BICDL1: variants seen among roughly 807,000 people sequenced by gnomAD.
BICDL1 encodes the protein BICD family-like cargo adapter 1.
BICDL1 carries 20 observed loss-of-function variants against 76.8 expected under a neutral mutation model. The observed-to-expected ratio is 0.26, with a 90% CI of 0.18 to 0.38. The LOEUF (loss-of-function observed/expected upper bound fraction) is 0.38, where lower values mean the gene tolerates loss of function less well. Among genes scored for constraint, BICDL1 ranks in the 10% least tolerant of loss-of-function variants. BICDL1 has a pLI of 1.00. For synonymous variants in BICDL1, 383 were observed against 337.1 expected (o/e 1.14, Z -1.49); for missense variants, 700 against 798.6 (o/e 0.88, Z 1.49).
chr12:119,990,306 C>T lies in BICDL1; in HGVS notation c.429+9C>T, dbSNP rs772813257. 6.4e-7 allele frequency: 1 copy of T among 1,555,652 alleles called. No homozygotes were observed. The highest frequency in any genetic ancestry group is 8.7e-7 in the Non-Finnish European group (1 of 1,150,420). On this transcript the variant is annotated intron_variant, in intron 1 of 9. Transcript: ENST00000548673. Reference sequence around the variant, plus strand: ...TGACAGACAAGCTCGAGGTGAGGACCTCCCTCCAGGGATGGGTGGGGAGCA... The same window carrying T: ...TGACAGACAAGCTCGAGGTGAGGACTTCCCTCCAGGGATGGGTGGGGAGCA...
At chr12:120,009,446 A>G (rs1437976204) in intron 2 of BICDL1, among the ~76,000 whole-genome samples, 1 of 152,224 alleles carries the variant, frequency 6.6e-6, no homozygotes, top group East Asian at 1.9e-4. Flanking sequence ...TTGAAGGCCC[A>G]AGATTCAGAT....
At chr12:119,998,982 A>G (rs1951706868) in intron 2 of BICDL1, among the ~76,000 whole-genome samples, 3 of 148,700 alleles carry the variant, frequency 2.0e-5, no homozygotes, top group African/African-American at 7.5e-5. Flanking sequence ...GCTTGAGCCC[A>G]GGAGGTCAAG....
chr12:120,006,175 A>G (rs1951847192), intron 2 of BICDL1, among the ~76,000 whole-genome samples: 1 of 152,212 alleles, frequency 6.6e-6, no homozygotes, highest in African/African-American at 2.4e-5. Flanking sequence ...GATCCCCGTC[A>G]TCATGGAATG....
In BICDL1 at chr12:120,092,988, T is replaced by C. The variant is rs775372594; in HGVS notation, c.1705-12T>C. 2.5e-5 allele frequency: 38 copies of C among 1,543,996 alleles called. No individual in the cohort carries two copies. The Admixed American group carries it at 7.2e-4, about 29-fold the overall frequency. On this transcript the variant is annotated splice_polypyrimidine_tract_variant and intron_variant, in intron 9 of 9. Coordinates refer to ENST00000548673, the MANE Select transcript of BICDL1 (RefSeq NM_001367886.1). The stretch of plus-strand genomic sequence containing the variant: ...CTACTCAGTCCTGGCCACTGTCCCC[T>C]CCCCTCTGCAGGATGACATGCACAG...
intron 2 of BICDL1, among the ~76,000 whole-genome samples, chr12:120,045,798 T>C (rs571313990): frequency 9.4e-5 from 14 of 149,314 alleles, no homozygotes; most frequent in Admixed American, 2.7e-4. Flanking sequence ...AGGGATAGCA[T>C]TGGGAGATAT....
At chr12:119,990,338 G>T (rs1444508210) in intron 1 of BICDL1, 41 bp downstream of exon 1, 5 of 1,542,308 alleles carry the variant, frequency 3.2e-6, no homozygotes, top group Admixed American at 2.0e-5. Flanking sequence ...AGCAGGGGCC[G>T]CCCAGGCACG....
chr12:120,008,089 C>G (rs1488103075), intron 2 of BICDL1, among the ~76,000 whole-genome samples: 1 of 150,488 alleles, frequency 6.6e-6, no homozygotes, highest in East Asian at 2.0e-4. Flanking sequence ...AGGACGTTCT[C>G]ATATGTGACC....
rs1361652749 is a variant in BICDL1 at position 120,093,216 on chromosome 12, G to A, written c.*55G>A. 12 of 1,542,924 alleles carry A rather than the reference G, an allele frequency of 7.8e-6. No individual in the cohort carries two copies. Among genetic ancestry groups the A allele is most frequent in the Middle Eastern group, 1.8e-4 (1 of 5,700 alleles). The stretch of plus-strand genomic sequence containing the variant: ...GTGGACTGGAGGCAGCTGGAAAGGC[G>A]GTGCAGGCAAGGCCTCCCCTGCAGC... On this transcript the variant is annotated 3_prime_UTR_variant, in exon 10 of 10. Coordinates refer to ENST00000548673, the MANE Select transcript of BICDL1 (RefSeq NM_001367886.1).
At chr12:120,077,165 A>G (rs1566263537) in intron 7 of BICDL1, among the ~76,000 whole-genome samples, 1 of 152,242 alleles carries the variant, frequency 6.6e-6, no homozygotes. Flanking sequence ...CCAGAGGTCA[A>G]AGGTGTGGGG....
intron 2 of BICDL1, among the ~76,000 whole-genome samples, chr12:120,060,429 A>C (rs1953079419): frequency 6.6e-6 from 1 of 152,234 alleles, no homozygotes. Flanking sequence ...GTTCATTTCC[A>C]ATAAGTTACT....
At chr12:120,037,545 A>G (rs1215906021) in intron 2 of BICDL1, among the ~76,000 whole-genome samples, 1 of 152,120 alleles carries the variant, frequency 6.6e-6, no homozygotes, top group African/African-American at 2.4e-5. Context: ...GAGGAGTTTA[A>G]ATAGAATAGT....
chr12:120,036,444 C>T (rs944954445), intron 2 of BICDL1, among the ~76,000 whole-genome samples: 2 of 152,196 alleles, frequency 1.3e-5, no homozygotes, highest in Non-Finnish European at 2.9e-5. Context: ...TAAGCCATTT[C>T]CTTGTACTGG....
chr12:120,054,372 C>T (rs1006772976), intron 2 of BICDL1, among the ~76,000 whole-genome samples: 2 of 152,120 alleles, frequency 1.3e-5, no homozygotes, highest in Non-Finnish European at 2.9e-5. Flanking sequence ...GCCACCTGGC[C>T]AGGTTTTCTT....
chr12:120,091,989 G>A (rs1875013923), intron 9 of BICDL1: 1 of 985,324 alleles, frequency 1.0e-6, no homozygotes, highest in South Asian at 4.7e-5. Flanking sequence ...AGCCAGAAAA[G>A]CTTGGGGTCT....
chr12:120,016,095 C>G (rs1466446740), intron 2 of BICDL1, among the ~76,000 whole-genome samples: 2 of 152,168 alleles, frequency 1.3e-5, no homozygotes, highest in East Asian at 1.9e-4. Flanking sequence ...AAACACTGAT[C>G]TGTTTTCTGT....
chr12:120,062,730 A>C (rs1477131910), intron 3 of BICDL1, among the ~76,000 whole-genome samples: 2 of 152,066 alleles, frequency 1.3e-5, no homozygotes, highest in East Asian at 3.9e-4. Context: ...TTTCCCTTGG[A>C]ATGCCTACTG....
rs78540229 is a variant in BICDL1, at chr12:119,993,953, C to A, written c.429+3656C>A. On this transcript the variant is annotated intron_variant, in intron 1 of 9. Transcript: ENST00000548673. ...GTTCTGAAGGCATTTTTAAAAATTTCTTTTCATCTACAATTAGCCGTTTTG... is the reference window on the plus strand; with the variant it reads ...GTTCTGAAGGCATTTTTAAAAATTTATTTTCATCTACAATTAGCCGTTTTG... Among the ~76,000 whole-genome samples the A allele has an allele frequency of 1.3e-3, 196 of 152,326 alleles. 1 individual carries two copies. The highest frequency in any genetic ancestry group is 4.6e-3 in the African/African-American group (191 of 41,574).
chr12:120,013,879 T>C (rs1325168809), intron 2 of BICDL1, among the ~76,000 whole-genome samples: 2 of 152,228 alleles, frequency 1.3e-5, no homozygotes, highest in Non-Finnish European at 2.9e-5. Context: ...AATTTGACTT[T>C]AGATTTCTAG....
chr12:120,061,496 C>T (rs993787858), intron 2 of BICDL1, among the ~76,000 whole-genome samples: 2 of 146,760 alleles, frequency 1.4e-5, no homozygotes, highest in African/African-American at 5.1e-5. Context: ...GTAGAGTGGT[C>T]TTGCACCTAT....
Sources: allele counts gnomAD v4.1 joint callset (sites outside exome capture counted in the v4.1 genomes callset), GRCh38; gene constraint gnomAD v4.1.1; transcripts MANE v1.5; gene names NCBI Gene and HGNC (gene_info 2026-07-23, HGNC 2026-07-21).